Variants in GLRX3 observed in about 807,000 individuals in gnomAD.
GLRX3 encodes the protein glutaredoxin 3.
A neutral mutation model predicts 49.5 loss-of-function variants in GLRX3; 22 were observed. The observed-to-expected ratio is 0.44, with a 90% CI of 0.32 to 0.63. The LOEUF (loss-of-function observed/expected upper bound fraction) is 0.63, where lower values mean the gene tolerates loss of function less well. Ranked by LOEUF, GLRX3 falls within the 30% of genes least tolerant of loss-of-function variation. The probability of loss-of-function intolerance (pLI) is 0.05; values close to 1 mark genes in which losing one functional copy is unlikely to be tolerated. For missense variants in GLRX3, 385 were observed against 396.3 expected, an observed-to-expected ratio of 0.97 and a Z score of 0.24; for synonymous variants, 133 against 140.0, an observed-to-expected ratio of 0.95 and a Z score of 0.35.
chr10:130,162,949 C>T (rs1055771109), intron 4 of GLRX3, among the ~76,000 whole-genome samples: 2 of 151,980 alleles, frequency 1.3e-5, no homozygotes, highest in Non-Finnish European at 2.9e-5. Flanking sequence ...TATGATTATT[C>T]AAGTAAATTA....
chr10:130,171,708 A>G (rs765538521), intron 8 of GLRX3, 72 bp downstream of exon 8: 84 of 863,840 alleles, frequency 9.7e-5, no homozygotes, highest in African/African-American at 2.0e-4. Context: ...GCTCACGTCT[A>G]TAATCCTAGC....
chr10:130,171,698 G>A (rs1387903002), intron 8 of GLRX3, 62 bp downstream of exon 8: 3 of 897,642 alleles, frequency 3.3e-6, no homozygotes, highest in Non-Finnish European at 5.7e-6. Context: ...AGGCGTAGTG[G>A]CTCACGTCTA....
chr10:130,167,405 C>T (rs1862713886), intron 6 of GLRX3, among the ~76,000 whole-genome samples: 1 of 152,174 alleles, frequency 6.6e-6, no homozygotes, highest in Non-Finnish European at 1.5e-5. Context: ...GTGTGAAAAA[C>T]TCATCACCTC....
At chr10:130,172,581 T>C (rs945690835) in intron 8 of GLRX3, among the ~76,000 whole-genome samples, 1 of 152,250 alleles carries the variant, frequency 6.6e-6, no homozygotes, top group Non-Finnish European at 1.5e-5. Flanking sequence ...AAGTAATCTT[T>C]GATATACTTC....
At chr10:130,176,770 C>CTCTG (rs67763431) in intron 10 of GLRX3, among the ~76,000 whole-genome samples, 62,749 of 113,266 alleles carry the variant, frequency 0.55, 16,264 homozygotes, top group African/African-American at 0.62. Flanking sequence ...CCCTCCCTCC[C>CTCTG]TCTTTCTCTC....
chr10:130,152,847 TG>T (rs1320507279), intron 2 of GLRX3, among the ~76,000 whole-genome samples: 1 of 152,204 alleles, frequency 6.6e-6, no homozygotes, highest in Admixed American at 6.5e-5. Flanking sequence ...AATGTTGGCC[TG>T]CCCTGCTAGG....
At chr10:130,142,366 A>G (rs920882667) in intron 1 of GLRX3, among the ~76,000 whole-genome samples, 7 of 152,042 alleles carry the variant, frequency 4.6e-5, no homozygotes, top group African/African-American at 9.7e-5. Flanking sequence ...AGCCTTACCC[A>G]TTCTTAATTC....
chr10:130,160,953 C>G lies in GLRX3; in HGVS notation c.434C>G (p.Pro145Arg). ...LRLKKLTHAA[P>R]CMLFMKGTPQ... Reference sequence around the variant, plus strand: ...TTGAAGAAATTGACTCATGCTGCCCCCTGCATGCTGTTTATGAAAGGAACT... The same window carrying G: ...TTGAAGAAATTGACTCATGCTGCCCGCTGCATGCTGTTTATGAAAGGAACT... The change falls in exon 4 of 11, where the codon CCC becomes CGC. Residue 145 changes from proline to arginine, a missense_variant. This residue lies in a region of GLRX3 where 374 missense variants were observed against 358.6 expected (regional missense o/e 1.04). Coordinates refer to ENST00000331244, the MANE Select transcript of GLRX3 (RefSeq NM_006541.5). 1 of 1,613,678 alleles carries G rather than the reference C, an allele frequency of 6.2e-7. No homozygotes were observed. The highest frequency in any genetic ancestry group is 8.5e-7 in the Non-Finnish European group (1 of 1,179,812).
intron 4 of GLRX3, among the ~76,000 whole-genome samples, chr10:130,163,534 C>A (rs1051217571): frequency 6.6e-6 from 1 of 152,134 alleles, no homozygotes; most frequent in East Asian, 1.9e-4. Context: ...GTTACAGTTT[C>A]TTCTTTTAAA....
intron 8 of GLRX3, among the ~76,000 whole-genome samples, chr10:130,172,858 A>G (rs372034040): frequency 8.5e-5 from 13 of 152,124 alleles, no homozygotes; most frequent in African/African-American, 2.9e-4. Context: ...CTGGAGAATC[A>G]CTTGAGCCCA....
intron 2 of GLRX3, among the ~76,000 whole-genome samples, chr10:130,148,949 T>C (rs1447528023): frequency 6.6e-6 from 1 of 152,074 alleles, no homozygotes; most frequent in Non-Finnish European, 1.5e-5. Context: ...CCCCAGCTAC[T>C]TGGGAGGCTG....
intron 2 of GLRX3, among the ~76,000 whole-genome samples, chr10:130,145,551 A>G (rs972900684): frequency 6.6e-6 from 1 of 152,032 alleles, no homozygotes; most frequent in African/African-American, 2.4e-5. Context: ...AATCCCAGCT[A>G]TGTGGGAGGC....
At chr10:130,149,407 A>G (rs1862329031) in intron 2 of GLRX3, among the ~76,000 whole-genome samples, 2 of 151,180 alleles carry the variant, frequency 1.3e-5, no homozygotes, top group Admixed American at 6.6e-5. Context: ...GCGCTACTGC[A>G]CTCCGGCCTG....
intron 8 of GLRX3, among the ~76,000 whole-genome samples, chr10:130,172,248 A>C (rs189133990): frequency 6.6e-6 from 1 of 152,316 alleles, no homozygotes; most frequent in African/African-American, 2.4e-5. Flanking sequence ...GGAATATATT[A>C]TAGGTAGTTT....
At chr10:130,149,664 G>A (rs921139069) in intron 2 of GLRX3, among the ~76,000 whole-genome samples, 9 of 151,978 alleles carry the variant, frequency 5.9e-5, no homozygotes, top group Admixed American at 2.6e-4. Context: ...TCTGGCAGAG[G>A]GGGGTGGGAG....
At chr10:130,142,660 G>T (rs1862197192) in intron 1 of GLRX3, among the ~76,000 whole-genome samples, 1 of 152,198 alleles carries the variant, frequency 6.6e-6, no homozygotes. Context: ...TCAGTGGACT[G>T]CAGTCTGACC....
intron 7 of GLRX3, among the ~76,000 whole-genome samples, chr10:130,170,304 A>G (rs928524180): frequency 7.9e-5 from 12 of 152,212 alleles, no homozygotes; most frequent in African/African-American, 2.9e-4. Context: ...CTTGTTAGCA[A>G]GATGCACCGG....
chr10:130,158,485 C>A lies in GLRX3; in HGVS notation c.202-1510C>A, dbSNP rs16910147. 9.5e-3 allele frequency among the ~76,000 whole-genome samples: 1,447 copies of A among 152,028 alleles called. 21 individuals carry two copies. The highest frequency in any genetic ancestry group is 0.033 in the African/African-American group (1,380 of 41,484). On this transcript the variant is annotated intron_variant, in intron 2 of 10. Coordinates refer to ENST00000331244, the MANE Select transcript of GLRX3 (RefSeq NM_006541.5). ...TTACCTTATTTCTACTTAGTATTGC[C>A]TTTTTTTTGGATTTGTATTACTTGT... is the stretch of plus-strand genomic sequence containing the variant.
intron 6 of GLRX3, among the ~76,000 whole-genome samples, chr10:130,167,348 G>T (rs1232976453): frequency 1.3e-5 from 2 of 152,200 alleles, no homozygotes; most frequent in African/African-American, 4.8e-5. Flanking sequence ...CTTGGTGACT[G>T]CTGCGGGTGC....
Sources: gnomAD v4.1 joint callset for allele counts (sites outside exome capture counted in the v4.1 genomes callset) on GRCh38, gnomAD v4.1.1 for gene constraint, gnomAD v4.1.1 regional missense constraint, MANE v1.5 for transcripts, NCBI Gene and HGNC (gene_info 2026-07-23, HGNC 2026-07-21) for gene names.